Variants in RAPGEF2 observed in about 807,000 individuals in gnomAD.
RAPGEF2 encodes PDZ domain containing guanine nucleotide exchange factor (GEF) 1.
A neutral mutation model predicts 186.7 loss-of-function variants in RAPGEF2; 54 were observed. That is an observed-to-expected ratio of 0.29 (90% CI 0.23 to 0.36). The LOEUF (loss-of-function observed/expected upper bound fraction) is 0.36, where lower values mean the gene tolerates loss of function less well. Among genes scored for constraint, RAPGEF2 ranks in the 10% least tolerant of loss-of-function variants. The pLI, the probability that RAPGEF2 is intolerant of heterozygous loss-of-function variation, is 1.00. For missense variants in RAPGEF2, 1,532 were observed against 2,045.0 expected (o/e 0.75, Z 4.84); for synonymous variants, 712 against 705.9 (o/e 1.01, Z -0.14).
intron 4 of RAPGEF2, among the ~76,000 whole-genome samples, chr4:159,235,512 C>A (rs1220359495): frequency 1.3e-5 from 2 of 152,200 alleles, no homozygotes; most frequent in African/African-American, 4.8e-5. Flanking sequence ...TCTTACTGTT[C>A]TGGTTTTCTG....
chr4:159,176,369 G>A (rs1746452753), intron 1 of RAPGEF2, among the ~76,000 whole-genome samples: 1 of 152,074 alleles, frequency 6.6e-6, no homozygotes, highest in Non-Finnish European at 1.5e-5. Flanking sequence ...AAATTCGTGG[G>A]TAAAGTTATT....
intron 4 of RAPGEF2, among the ~76,000 whole-genome samples, chr4:159,233,817 A>G (rs1752922468): frequency 6.6e-6 from 1 of 152,166 alleles, no homozygotes; most frequent in Non-Finnish European, 1.5e-5. Flanking sequence ...TTAATTTAAC[A>G]CACACAAAAA....
intron 7 of RAPGEF2, among the ~76,000 whole-genome samples, chr4:159,300,058 G>A (rs1481781205): frequency 6.6e-6 from 1 of 151,638 alleles, no homozygotes; most frequent in African/African-American, 2.4e-5. Context: ...ATGGATGAAT[G>A]CTGAATGAAA....
intron 17 of RAPGEF2, among the ~76,000 whole-genome samples, chr4:159,335,351 A>G (rs59589569): frequency 6.6e-6 from 1 of 152,220 alleles, no homozygotes; most frequent in Admixed American, 6.5e-5. Flanking sequence ...AGACAATTTC[A>G]GTAACAAGGA....
At chr4:159,207,414 T>A (rs1402921367) in intron 3 of RAPGEF2, among the ~76,000 whole-genome samples, 1 of 152,238 alleles carries the variant, frequency 6.6e-6, no homozygotes, top group African/African-American at 2.4e-5. Flanking sequence ...GCCTTGTGCT[T>A]AATTTGTCGA....
intron 1 of RAPGEF2, among the ~76,000 whole-genome samples, chr4:159,149,939 A>T (rs920242547): frequency 6.6e-6 from 1 of 152,204 alleles, no homozygotes; most frequent in Non-Finnish European, 1.5e-5. Flanking sequence ...ACACTGGTCT[A>T]AAAACAGGCA....
intron 7 of RAPGEF2, among the ~76,000 whole-genome samples, chr4:159,297,123 A>G (rs1051931489): frequency 6.6e-6 from 1 of 152,240 alleles, no homozygotes; most frequent in Non-Finnish European, 1.5e-5. Flanking sequence ...TTGGACAGCA[A>G]GCCATGTGAA....
At chr4:159,245,816 G>C (rs980151256) in intron 7 of RAPGEF2, among the ~76,000 whole-genome samples, 1 of 151,584 alleles carries the variant, frequency 6.6e-6, no homozygotes, top group South Asian at 2.1e-4. Flanking sequence ...GAGGAAAACT[G>C]TACAGAGAAA....
chr4:159,118,734 C>T (rs539408050), intron 1 of RAPGEF2, among the ~76,000 whole-genome samples: 88 of 151,860 alleles, frequency 5.8e-4, no homozygotes, highest in Non-Finnish European at 9.4e-4. Context: ...TACAGGCGCC[C>T]GCCTCCTTGC....
intron 7 of RAPGEF2, chr4:159,267,681 A>G: frequency 2.3e-6 from 2 of 883,920 alleles, no homozygotes; most frequent in Non-Finnish European, 2.8e-6. Flanking sequence ...GGTATTAACA[A>G]TGCTTGGCTG....
chr4:159,310,802 C>G (rs1425441834), intron 8 of RAPGEF2, among the ~76,000 whole-genome samples: 1 of 151,884 alleles, frequency 6.6e-6, no homozygotes, highest in African/African-American at 2.4e-5. Context: ...AAATATAAAG[C>G]GTCTGTTTTA....
chr4:159,346,921 A>C lies in RAPGEF2; in HGVS notation c.3635A>C (p.Asn1212Thr). 1 of 1,614,192 alleles carries C rather than the reference A, an allele frequency of 6.2e-7. No homozygotes were observed. The highest frequency in any genetic ancestry group is 8.5e-7 in the Non-Finnish European group (1 of 1,180,032). ...QQQPPPAHKI[N>T]QGLQVPAVSL... Reference sequence around the variant, plus strand: ...CAGCCACCACCAGCACATAAAATCAACCAGGGACTACAGGTTCCCGCCGTG... The same window carrying C: ...CAGCCACCACCAGCACATAAAATCACCCAGGGACTACAGGTTCCCGCCGTG... The change falls in exon 25 of 30, where the codon AAC becomes ACC. Residue 1212 changes from asparagine to threonine, a missense_variant. Asn to Thr is a moderately conservative substitution (Grantham distance 65). Coordinates refer to ENST00000691494, the MANE Select transcript of RAPGEF2 (RefSeq NM_001394067.2).
At position 159,296,528 on chromosome 4, in the gene RAPGEF2, G is replaced by T. The variant is rs189698352; in HGVS notation, c.544-7814G>T. Among the ~76,000 whole-genome samples, 8 of 152,280 alleles carry T rather than the reference G, an allele frequency of 5.3e-5. No homozygotes were observed. The East Asian group carries it at 1.5e-3, about 29-fold the overall frequency. ...TGTGCTCCCTAGCCGTTCATCTGGGGCTGGAATCTGTTTCCATCACCTTTT... is the reference window on the plus strand; with the variant it reads ...TGTGCTCCCTAGCCGTTCATCTGGGTCTGGAATCTGTTTCCATCACCTTTT... On this transcript the variant is annotated intron_variant, in intron 7 of 29. Coordinates refer to ENST00000691494, the MANE Select transcript of RAPGEF2 (RefSeq NM_001394067.2).
At chr4:159,163,583 A>C (rs565684991) in intron 1 of RAPGEF2, among the ~76,000 whole-genome samples, 68 of 152,360 alleles carry the variant, frequency 4.5e-4, no homozygotes, top group Non-Finnish European at 7.6e-4. Context: ...TAAAATGTTT[A>C]CTTAAATGCA....
chr4:159,131,519 A>ATTGTTTTTTTTTT, intron 1 of RAPGEF2, among the ~76,000 whole-genome samples: 18 of 37,188 alleles, frequency 4.8e-4, no homozygotes, highest in Middle Eastern at 0.026. Context: ...ATTAATTGCT[A>ATTGTTTTTTTTTT]TTTTTTTTTT....
intron 11 of RAPGEF2, among the ~76,000 whole-genome samples, chr4:159,325,839 G>C (rs1347195630): frequency 6.6e-6 from 1 of 152,106 alleles, no homozygotes. Flanking sequence ...GGTTATGTTA[G>C]GGAAGAGAAT....
At chr4:159,130,734 A>G (rs992139375) in intron 1 of RAPGEF2, among the ~76,000 whole-genome samples, 30 of 152,156 alleles carry the variant, frequency 2.0e-4, no homozygotes, top group African/African-American at 7.2e-4. Flanking sequence ...TTTTTGGGAC[A>G]GGATGTTGCT....
chr4:159,318,747 C>T (rs1020747722), intron 9 of RAPGEF2, among the ~76,000 whole-genome samples: 14 of 151,774 alleles, frequency 9.2e-5, no homozygotes, highest in African/African-American at 3.1e-4. Context: ...TAACAAGCCC[C>T]GGGTTTTTAA....
chr4:159,231,658 C>T (rs1752659229), intron 4 of RAPGEF2, among the ~76,000 whole-genome samples: 1 of 152,010 alleles, frequency 6.6e-6, no homozygotes, highest in African/African-American at 2.4e-5. Context: ...ATTTCAAATA[C>T]AGAATGCTCC....
Sources: gnomAD v4.1 joint callset for allele counts (sites outside exome capture counted in the v4.1 genomes callset) on GRCh38, gnomAD v4.1.1 for gene constraint, MANE v1.5 for transcripts, NCBI Gene and HGNC (gene_info 2026-07-23, HGNC 2026-07-21) for gene names.